CDC16: variants seen among roughly 807,000 people sequenced by gnomAD.
The protein encoded by CDC16 is cell division cycle protein 16 homolog.
CDC16 carries 34 observed loss-of-function variants against 87.0 expected under a neutral mutation model. The ratio of observed to expected loss-of-function variants is 0.39; its 90% confidence interval spans 0.30 to 0.52. The LOEUF is 0.52. Ranked by LOEUF, CDC16 falls within the 20% of genes least tolerant of loss-of-function variation. The pLI, the probability that CDC16 is intolerant of heterozygous loss-of-function variation, is 0.74. For synonymous variants in CDC16, 263 were observed against 260.6 expected, an observed-to-expected ratio of 1.01 and a Z score of -0.09; for missense variants, 653 against 751.9, an observed-to-expected ratio of 0.87 and a Z score of 1.54.
intron 5 of CDC16, 144 bp from the exon 6 acceptor site, chr13:114,241,977 A>C: frequency 1.2e-6 from 1 of 840,864 alleles, no homozygotes; most frequent in African/African-American, 1.7e-5. Context: ...TTGAGATCAT[A>C]GGAGTTCAAG....
rs962049275 is a variant in CDC16, at chr13:114,256,985, A to G, written c.1098-93A>G. 5.2e-6 allele frequency: 4 copies of G among 775,544 alleles called. No individual in the cohort carries two copies. The African/African-American group carries it at 5.3e-5, about 10-fold the overall frequency. 48.0% of individuals were successfully genotyped at this position (775,544 alleles called of 1,614,324 possible). The stretch of plus-strand genomic sequence containing the variant: ...AATGCTGTGTTTTGGCTACCTTTAA[A>G]TTATTTTGCAGATAGGATTTGAAGT... On this transcript the variant is annotated intron_variant, in intron 12 of 17. Coordinates refer to ENST00000356221, the MANE Select transcript of CDC16 (RefSeq NM_001078645.3).
At chr13:114,250,955 A>G (rs902367464) in intron 12 of CDC16, among the ~76,000 whole-genome samples, 4 of 152,238 alleles carry the variant, frequency 2.6e-5, no homozygotes, top group Non-Finnish European at 4.4e-5. Flanking sequence ...TCACATGCTC[A>G]TGCAAGAATA....
At chr13:114,267,214 G>A (rs1191992003) in intron 17 of CDC16, among the ~76,000 whole-genome samples, 1 of 152,046 alleles carries the variant, frequency 6.6e-6, no homozygotes, top group Admixed American at 6.5e-5. Flanking sequence ...TAGGCCGGGC[G>A]TGGTGGCCCA....
intron 10 of CDC16, 26 bp downstream of exon 10, chr13:114,246,075 G>GTTTT: frequency 1.7e-5 from 15 of 880,400 alleles, no homozygotes; most frequent in Admixed American, 3.2e-5. Flanking sequence ...TTTAGTCTTA[G>GTTTT]TTTTTTTTTT....
intron 17 of CDC16, among the ~76,000 whole-genome samples, chr13:114,271,043 T>A (rs532578580): frequency 7.0e-6 from 1 of 142,980 alleles, no homozygotes; most frequent in East Asian, 2.4e-4. Flanking sequence ...TGCCTCAGCC[T>A]CCCAAGTAGC....
At chr13:114,253,898 T>G (rs753649875) in intron 12 of CDC16, among the ~76,000 whole-genome samples, 1 of 152,188 alleles carries the variant, frequency 6.6e-6, no homozygotes, top group Non-Finnish European at 1.5e-5. Context: ...GGTATTAAAG[T>G]CTCCAGATTT....
At chr13:114,262,464 A>G (rs893833887) in intron 15 of CDC16, among the ~76,000 whole-genome samples, 1 of 152,218 alleles carries the variant, frequency 6.6e-6, no homozygotes, top group Non-Finnish European at 1.5e-5. Context: ...ATTCCAGAGA[A>G]CTTTAAGGAG....
intron 4 of CDC16, 57 bp downstream of exon 4, chr13:114,239,085 C>T (rs1288206974): frequency 2.2e-6 from 2 of 908,532 alleles, no homozygotes; most frequent in Middle Eastern, 4.4e-4. Flanking sequence ...TGTTATGCAT[C>T]TCTTAAATAT....
rs764191977 is a variant in CDC16 at position 114,236,793 on chromosome 13, C to T, written c.104-6C>T. On this transcript the variant is annotated splice_polypyrimidine_tract_variant and splice_region_variant and intron_variant, in intron 2 of 17. Transcript: ENST00000356221. ...TCTGACCACTTATGTGAATTTTTCC[C>T]TCCAGAAGAACCCCAGGACATCTAT... The T allele has an allele frequency of 6.2e-7, 1 of 1,613,100 alleles. No individual in the cohort carries two copies. The highest frequency in any genetic ancestry group is 8.5e-7 in the Non-Finnish European group (1 of 1,179,254).
intron 9 of CDC16, 120 bp from the exon 10 acceptor site, chr13:114,245,880 C>T: frequency 3.1e-6 from 2 of 637,972 alleles, no homozygotes; most frequent in East Asian, 3.1e-5. Flanking sequence ...GAAGGAAAGA[C>T]AAGTATGAAA....
At chr13:114,239,231 A>G (rs745753909) in intron 4 of CDC16, 119 bp from the exon 5 acceptor site, 29 of 1,467,942 alleles carry the variant, frequency 2.0e-5, no homozygotes, top group Non-Finnish European at 2.7e-5. Flanking sequence ...AGAAAATTCT[A>G]CTTTAGACAT....
Position 114,272,268 on chromosome 13 carries a change from G to T in CDC16, c.1688G>T (p.Trp563Leu). 1.2e-6 allele frequency: 2 copies of T among 1,613,764 alleles called. No individual in the cohort carries two copies. Among genetic ancestry groups the T allele is most frequent in the Non-Finnish European group, 1.7e-6 (2 of 1,179,650 alleles). Residue 563 changes from tryptophan (W) to leucine (L), a missense_variant, in exon 18 of 18, where the codon TGG becomes TTG. Transcript: ENST00000356221. ...KTLKNIISPP[W>L]DFREFEVEKQ... is the part of the protein sequence containing the mutation. Reference sequence around the variant, plus strand: ...CTAAAAAACATTATTTCACCTCCGTGGGATTTCAGGGAATTTGAAGTAGAA... The same window carrying T: ...CTAAAAAACATTATTTCACCTCCGTTGGATTTCAGGGAATTTGAAGTAGAA...
intron 17 of CDC16, among the ~76,000 whole-genome samples, chr13:114,268,362 A>G (rs2083385014): frequency 6.6e-6 from 1 of 152,266 alleles, no homozygotes; most frequent in Non-Finnish European, 1.5e-5. Context: ...AAGATTGAAC[A>G]AAACAAAGCA....
chr13:114,272,605 C>G lies in CDC16; in HGVS notation c.*162C>G, dbSNP rs535461923. The G allele has an allele frequency of 1.2e-3, 694 of 568,748 alleles. 9 individuals carry two copies. In the South Asian group the frequency reaches 0.017, roughly 14 times the overall value. 35.2% of individuals were successfully genotyped at this position (568,748 alleles called of 1,614,324 possible). On this transcript the variant is annotated 3_prime_UTR_variant, in exon 18 of 18. Transcript: ENST00000356221. ...TAAGAGACTGGATCGCACACCTTTG[C>G]AACAGATGTGTTCTGATTCTCTGAA...
At chr13:114,258,125 T>C (rs1056319978) in intron 13 of CDC16, among the ~76,000 whole-genome samples, 5 of 152,248 alleles carry the variant, frequency 3.3e-5, no homozygotes, top group Non-Finnish European at 7.3e-5. Context: ...ATTTATGGCA[T>C]GTATGTGTTC....
chr13:114,246,356 G>A (rs901389976), intron 10 of CDC16, among the ~76,000 whole-genome samples: 6 of 152,150 alleles, frequency 3.9e-5, no homozygotes, highest in Middle Eastern at 3.2e-3. Flanking sequence ...TGACAGTCAC[G>A]CCTCCCTTTC....
intron 14 of CDC16, 67 bp from the exon 15 acceptor site, chr13:114,261,820 C>G (rs2082877879): frequency 1.8e-6 from 2 of 1,111,936 alleles, no homozygotes; most frequent in Non-Finnish European, 2.6e-6. Context: ...TGAAATAATT[C>G]AGTGCAAACA....
intron 16 of CDC16, 102 bp from the exon 17 acceptor site, chr13:114,265,048 T>C: frequency 1.2e-6 from 1 of 861,748 alleles, no homozygotes; most frequent in South Asian, 1.4e-5. Context: ...GTCTGGCCAC[T>C]TCCCCCACCC....
intron 13 of CDC16, among the ~76,000 whole-genome samples, chr13:114,258,171 T>C (rs1456347950): frequency 6.6e-6 from 1 of 152,234 alleles, no homozygotes; most frequent in Admixed American, 6.5e-5. Context: ...TTTAAAAGTT[T>C]GAAGCTTTAA....
Sources: allele counts gnomAD v4.1 joint callset (sites outside exome capture counted in the v4.1 genomes callset), GRCh38; gene constraint gnomAD v4.1.1; transcripts MANE v1.5; gene names NCBI Gene and HGNC (gene_info 2026-07-23, HGNC 2026-07-21).